The following LARGE1 variants were observed in gnomAD, a reference collection of about 807,000 sequenced individuals.
LARGE1 encodes the protein xylosyl- and glucuronyltransferase LARGE1.
A neutral mutation model predicts 87.6 loss-of-function variants in LARGE1; 43 were observed. That is an observed-to-expected ratio of 0.49 (90% CI 0.38 to 0.63). The LOEUF is 0.63. LARGE1 is among the 30% of genes least tolerant of loss of function. The pLI, the probability that LARGE1 is intolerant of heterozygous loss-of-function variation, is 0.00. For synonymous variants in LARGE1, 434 were observed against 394.6 expected, an observed-to-expected ratio of 1.10 and a Z score of -1.18; for missense variants, 802 against 1,000.2, an observed-to-expected ratio of 0.80 and a Z score of 2.67.
In LARGE1 at chr22:33,362,226, T is replaced by C. The variant is rs909556819; in HGVS notation, c.1131+19693A>G. Among the ~76,000 whole-genome samples, 8 of 149,156 alleles carry C rather than the reference T, an allele frequency of 5.4e-5. 1 individual carries two copies. The highest frequency in any genetic ancestry group is 2.0e-4 in the African/African-American group (8 of 40,504). ...ACTAAAGAGATAACAATGAAGGTCC[T>C]GAAACACAAAGACTGAGGTAAAGTC... On this transcript the variant is annotated intron_variant, in intron 9 of 14. Coordinates refer to ENST00000397394, the MANE Select transcript of LARGE1 (RefSeq NM_133642.5).
chr22:33,494,176 G>A (rs1039079869), intron 6 of LARGE1, among the ~76,000 whole-genome samples: 2 of 152,198 alleles, frequency 1.3e-5, no homozygotes. Flanking sequence ...CTTTGCATAT[G>A]GTCTTTGATG....
At chr22:33,678,256 A>G (rs2081640925) in intron 2 of LARGE1, among the ~76,000 whole-genome samples, 1 of 152,244 alleles carries the variant, frequency 6.6e-6, no homozygotes, top group Non-Finnish European at 1.5e-5. Flanking sequence ...CTATTTCCAC[A>G]GCTGCGGAAA....
At chr22:33,307,825 G>C (rs1474996237) in intron 11 of LARGE1, among the ~76,000 whole-genome samples, 1 of 151,744 alleles carries the variant, frequency 6.6e-6, no homozygotes, top group South Asian at 2.1e-4. Flanking sequence ...GCTGGAGGCA[G>C]TGGTGCGATC....
At chr22:33,709,791 A>G (rs1249514285) in intron 2 of LARGE1, among the ~76,000 whole-genome samples, 1 of 151,728 alleles carries the variant, frequency 6.6e-6, no homozygotes, top group Non-Finnish European at 1.5e-5. Context: ...AAGCCCAGCT[A>G]ATTTTTATAT....
At chr22:33,898,765 A>T (rs183138577) in intron 1 of LARGE1, among the ~76,000 whole-genome samples, 1 of 152,334 alleles carries the variant, frequency 6.6e-6, no homozygotes, top group East Asian at 1.9e-4. Context: ...AAAAACAAAC[A>T]AACAAACAAA....
intron 6 of LARGE1, among the ~76,000 whole-genome samples, chr22:33,528,964 T>C (rs1212139509): frequency 6.6e-6 from 1 of 152,228 alleles, no homozygotes; most frequent in East Asian, 1.9e-4. Context: ...AGAACAAGCC[T>C]GAAAGACAGT....
intron 6 of LARGE1, among the ~76,000 whole-genome samples, chr22:33,485,132 C>T (rs1602062481): frequency 1.3e-5 from 2 of 151,482 alleles, no homozygotes; most frequent in South Asian, 2.1e-4. Context: ...AGGCTAGTCT[C>T]GAACTCCTTA....
At chr22:33,402,648 A>G (rs193031286) in intron 7 of LARGE1, among the ~76,000 whole-genome samples, 1 of 152,318 alleles carries the variant, frequency 6.6e-6, no homozygotes, top group East Asian at 1.9e-4. Context: ...GGAGAATCAA[A>G]TAAGATAACG....
chr22:33,919,093 C>T (rs2147008023), intron 1 of LARGE1, among the ~76,000 whole-genome samples: 1 of 134,204 alleles, frequency 7.5e-6, no homozygotes, highest in South Asian at 2.6e-4. Context: ...GGCACATCAG[C>T]ACAGAGACGA....
intron 13 of LARGE1, among the ~76,000 whole-genome samples, chr22:33,278,748 T>A (rs1409209543): frequency 6.6e-6 from 1 of 151,880 alleles, no homozygotes; most frequent in Non-Finnish European, 1.5e-5. Flanking sequence ...TGGGATGGAG[T>A]CTCGCTCTGT....
intron 10 of LARGE1, among the ~76,000 whole-genome samples, chr22:33,333,911 G>C (rs569930264): frequency 4.0e-5 from 6 of 149,594 alleles, no homozygotes; most frequent in African/African-American, 1.2e-4. Context: ...CTGAGGTCAG[G>C]AGTTCGAGAC....
At chr22:33,540,746 A>C (rs2077168620) in intron 6 of LARGE1, among the ~76,000 whole-genome samples, 1 of 152,102 alleles carries the variant, frequency 6.6e-6, no homozygotes, top group African/African-American at 2.4e-5. Context: ...AGACCTGGGC[A>C]TCATTATTCT....
chr22:33,899,634 C>T lies in LARGE1; in HGVS notation c.-83+20361G>A, dbSNP rs114248038. The stretch of plus-strand genomic sequence containing the variant: ...TTTGTCTTGTTCTCCTCCTCACCCG[C>T]CCCCTCACTGTGCCCAGTACAGTGC... On this transcript the variant is annotated intron_variant, in intron 1 of 14. Transcript: ENST00000397394. 7.4e-3 allele frequency among the ~76,000 whole-genome samples: 1,124 copies of T among 152,248 alleles called. 20 individuals are homozygous for T. Among genetic ancestry groups the T allele is most frequent in the African/African-American group, 0.026 (1,071 of 41,542 alleles).
At chr22:33,182,484 A>C (rs1490349135) in intron 11 of LARGE1, among the ~76,000 whole-genome samples, 1 of 152,230 alleles carries the variant, frequency 6.6e-6, no homozygotes, top group South Asian at 2.1e-4. Flanking sequence ...GGGAAAGAAT[A>C]GTCTTTTAAA....
intron 5 of LARGE1, chr22:33,572,373 G>A (rs2078231891): frequency 3.2e-6 from 1 of 309,184 alleles, no homozygotes. Context: ...TGCCTTGGAA[G>A]AAGATCGTGA....
In LARGE1 at chr22:33,337,837, G is replaced by C. The variant is rs368360029; in HGVS notation, c.1132-36C>G. 3 of 1,611,248 alleles carry C rather than the reference G, an allele frequency of 1.9e-6. No homozygotes were observed. In the African/African-American group the frequency reaches 4.0e-5, roughly 22 times the overall value. On this transcript the variant is annotated intron_variant, in intron 9 of 14. Coordinates refer to ENST00000397394, the MANE Select transcript of LARGE1 (RefSeq NM_133642.5). ...GATAAGGAAGTGGTCAGGTATGGCAGGGGTGGGGTGGGGATCCCTCACACC... is the reference window on the plus strand; with the variant it reads ...GATAAGGAAGTGGTCAGGTATGGCACGGGTGGGGTGGGGATCCCTCACACC...
intron 6 of LARGE1, among the ~76,000 whole-genome samples, chr22:33,498,648 A>G (rs1165825867): frequency 2.0e-5 from 3 of 152,322 alleles, no homozygotes; most frequent in Non-Finnish European, 4.4e-5. Context: ...GATAAGTACT[A>G]ACAGAGGATA....
chr22:33,087,456 T>C, the LARGE1 span, among the ~76,000 whole-genome samples: 1 of 152,204 alleles, frequency 6.6e-6, no homozygotes, highest in Non-Finnish European at 1.5e-5. Flanking sequence ...ACTGGATCAG[T>C]GATGTACTTA....
chr22:33,352,077 T>C lies in LARGE1; in HGVS notation c.1132-14276A>G, dbSNP rs918070809. ...TATAGTGGAGAAACCTAGCAAACATTGCCTTTACTACATAAGAATGGCTAA... is the reference window on the plus strand; with the variant it reads ...TATAGTGGAGAAACCTAGCAAACATCGCCTTTACTACATAAGAATGGCTAA... On this transcript the variant is annotated intron_variant, in intron 9 of 14. Coordinates refer to ENST00000397394, the MANE Select transcript of LARGE1 (RefSeq NM_133642.5). Among the ~76,000 whole-genome samples the C allele has an allele frequency of 9.2e-5, 14 of 152,288 alleles. 1 individual carries two copies. The South Asian group carries it at 2.9e-3, about 32-fold the overall frequency.
Sources: gnomAD v4.1 joint callset for allele counts (sites outside exome capture counted in the v4.1 genomes callset) on GRCh38, gnomAD v4.1.1 for gene constraint, MANE v1.5 for transcripts, NCBI Gene and HGNC (gene_info 2026-07-23, HGNC 2026-07-21) for gene names.